ABCA4: variants seen among roughly 807,000 people sequenced by gnomAD.
The protein encoded by ABCA4 is ATP binding cassette subfamily A member 4, also known as retinal-specific phospholipid-transporting ATPase ABCA4.
ABCA4 carries 196 observed loss-of-function variants against 263.7 expected under a neutral mutation model. The ratio of observed to expected loss-of-function variants is 0.74; its 90% CI spans 0.66 to 0.84. The LOEUF (loss-of-function observed/expected upper bound fraction) is 0.84, where lower values mean the gene tolerates loss of function less well. Among genes scored for constraint, ABCA4 ranks in the 40% least tolerant of loss-of-function variants. The probability of loss-of-function intolerance (pLI) is 0.00; values close to 1 mark genes in which losing one functional copy is unlikely to be tolerated. For synonymous variants in ABCA4, 1,133 were observed against 1,094.2 expected (o/e 1.04, Z -0.70); for missense variants, 2,792 against 2,855.1 (o/e 0.98, Z 0.50).
At chr1:94,032,188 T>C (rs1660226566) in intron 26 of ABCA4, 145 bp from the exon 27 acceptor site, 2 of 980,382 alleles carry the variant, frequency 2.0e-6, no homozygotes, top group East Asian at 5.0e-5. Flanking sequence ...TAATCATCTT[T>C]ATAAAAATCT....
At chr1:94,013,589 C>T (rs533191289) in intron 38 of ABCA4, among the ~76,000 whole-genome samples, 287 of 152,294 alleles carry the variant, frequency 1.9e-3, no homozygotes, top group Middle Eastern at 6.8e-3. Context: ...TCAGACACAG[C>T]GGTGGGGACT....
chr1:94,113,995 T>C (rs1209982283), intron 1 of ABCA4, among the ~76,000 whole-genome samples: 1 of 152,128 alleles, frequency 6.6e-6, no homozygotes, highest in Admixed American at 6.5e-5. Flanking sequence ...GAGAGTAGAA[T>C]AGGTCTATGC....
At chr1:94,106,188 T>A (rs1262462320) in intron 4 of ABCA4, among the ~76,000 whole-genome samples, 1 of 152,268 alleles carries the variant, frequency 6.6e-6, no homozygotes, top group East Asian at 1.9e-4. Flanking sequence ...CCAGATTTGC[T>A]CTGTTAGGGA....
At chr1:94,051,400 C>T (rs1321210453) in intron 17 of ABCA4, among the ~76,000 whole-genome samples, 3 of 152,160 alleles carry the variant, frequency 2.0e-5, no homozygotes, top group Non-Finnish European at 4.4e-5. Flanking sequence ...GTGTACAGGA[C>T]CCAGGGCTTC....
intron 20 of ABCA4, among the ~76,000 whole-genome samples, chr1:94,044,072 TCTC>T (rs1660599750): frequency 2.4e-4 from 1 of 4,110 alleles, no homozygotes; most frequent in African/African-American, 3.2e-4. Flanking sequence ...CTCGCTTCCT[TCTC>T]CCCTCCCTCC....
chr1:94,051,734 G>A (rs1177784699), intron 16 of ABCA4, 36 bp from the exon 17 acceptor site: 5 of 1,522,370 alleles, frequency 3.3e-6, no homozygotes, highest in Non-Finnish European at 4.6e-6. Flanking sequence ...GAAAGTCGAA[G>A]GAGTCTCCCT....
At chr1:94,114,539 T>C (rs1257189964) in intron 1 of ABCA4, among the ~76,000 whole-genome samples, 2 of 151,866 alleles carry the variant, frequency 1.3e-5, no homozygotes, top group Non-Finnish European at 2.9e-5. Flanking sequence ...CAGGCTGGAG[T>C]GCAGTGGCAC....
rs751689141 is a variant in ABCA4, at chr1:94,031,842, A to G, written c.4064T>C (p.Val1355Ala). The G allele has an allele frequency of 3.1e-6, 5 of 1,614,152 alleles. No individual in the cohort carries two copies. In the South Asian group the frequency reaches 5.5e-5, roughly 18 times the overall value. The part of the protein sequence containing the change: ...NTGTQLVLQH[V>A]QALLVKRFQH... ...GAATCTCTTGACCAGCAGCGCCTGC[A>G]CATGCTGGAGGACCAGCTGTGTCCC... The change falls in exon 27 of 50, where the codon GTG becomes GCG. Residue 1355 changes from valine to alanine, a missense_variant. By Grantham distance (64) the Val-to-Ala change is moderately conservative. Coordinates refer to ENST00000370225, the MANE Select transcript of ABCA4 (RefSeq NM_000350.3).
At chr1:94,033,534 T>C (rs1344820548) in intron 26 of ABCA4, among the ~76,000 whole-genome samples, 1 of 152,150 alleles carries the variant, frequency 6.6e-6, no homozygotes, top group East Asian at 1.9e-4. Flanking sequence ...TTGTCGGTTA[T>C]GTTGAAGCTA....
Position 94,021,646 on chromosome 1 carries a change from G to C in ABCA4, c.4842C>G (p.Asn1614Lys), listed in dbSNP as rs1265079301. The stretch of plus-strand genomic sequence containing the variant: ...TTATACATAGGTCAAGTACCTTAAT[G>C]TTGTCTTCAGTTTCTAGATGTTTAA... ...DFLKHLETEDNIKVWFNNKGW... is the reference protein window; with the variant it reads ...DFLKHLETEDKIKVWFNNKGW... The change falls in exon 34 of 50, where the codon AAC (asparagine) becomes AAG (lysine). Residue 1614 changes from asparagine to lysine, a missense_variant. Transcript: ENST00000370225. 1 of 1,611,152 alleles carries C rather than the reference G, an allele frequency of 6.2e-7. No homozygotes were observed. Among genetic ancestry groups the C allele is most frequent in the Non-Finnish European group, 8.5e-7 (1 of 1,178,270 alleles).
chr1:94,009,311 T>A (rs923101050), intron 40 of ABCA4, among the ~76,000 whole-genome samples: 2 of 152,104 alleles, frequency 1.3e-5, no homozygotes, highest in Non-Finnish European at 2.9e-5. Context: ...GTTACTAACC[T>A]CCGAGCCTCC....
rs145065936 is a variant in ABCA4, at chr1:94,098,966, G to A, written c.596C>T (p.Ala199Val). 1.4e-4 allele frequency: 221 copies of A among 1,610,218 alleles called. 1 individual carries two copies. In the African/African-American group the frequency reaches 1.7e-3, roughly 12 times the overall value. The stretch of plus-strand genomic sequence containing the variant: ...CTCGCTGCAGGCGATGTCCTTCAGC[G>A]CCAGGTCCGGGACTCCATGAGCGAA... ...EQFAHGVPDL[A>V]LKDIACSEAL... Residue 199 changes from alanine (A) to valine (V), a missense_variant, in exon 6 of 50, where the codon GCG becomes GTG. Transcript: ENST00000370225.
intron 5 of ABCA4, among the ~76,000 whole-genome samples, chr1:94,102,521 C>T (rs1421297220): frequency 6.6e-6 from 1 of 151,914 alleles, no homozygotes; most frequent in Non-Finnish European, 1.5e-5. Flanking sequence ...CCTCTCTAAC[C>T]CTCGACTCTA....
intron 4 of ABCA4, among the ~76,000 whole-genome samples, chr1:94,105,785 C>T (rs1161330132): frequency 6.6e-6 from 1 of 152,140 alleles, no homozygotes; most frequent in African/African-American, 2.4e-5. Flanking sequence ...ACCATTAATC[C>T]TCCCTGCTGA....
At chr1:94,006,989 A>G (rs1202639891) in intron 43 of ABCA4, among the ~76,000 whole-genome samples, 1 of 152,200 alleles carries the variant, frequency 6.6e-6, no homozygotes, top group Non-Finnish European at 1.5e-5. Context: ...GTTTAAACAC[A>G]TTTTATTACA....
In ABCA4 at chr1:94,044,603, T is replaced by C; in HGVS notation, c.3050+10A>G. The C allele has an allele frequency of 6.2e-7, 1 of 1,614,182 alleles. No individual in the cohort carries two copies. The highest frequency in any genetic ancestry group is 1.1e-5 in the South Asian group (1 of 91,082). The stretch of plus-strand genomic sequence containing the variant: ...GGGGATGGGGCGGTCTCAGTTCCTG[T>C]GTCGCTTACTGGTGGAACAGGATGT... On this transcript the variant is annotated intron_variant, in intron 20 of 49. Transcript: ENST00000370225.
chr1:94,007,881 AC>A (rs1225514682), intron 42 of ABCA4, 141 bp from the exon 43 acceptor site: 6 of 765,398 alleles, frequency 7.8e-6, no homozygotes, highest in Non-Finnish European at 1.4e-5. Context: ...ATATGTGGCT[AC>A]TAAGCACTTG....
At position 94,031,048 on chromosome 1, in the gene ABCA4, G is replaced by T. The variant is rs1305455299; in HGVS notation, c.4201C>A (p.Pro1401Thr). The change falls in exon 28 of 50, where the codon CCC (proline) becomes ACC (threonine). Residue 1401 changes from proline to threonine, a missense_variant. Physicochemically the swap from Pro to Thr is conservative, Grantham distance 38. Transcript: ENST00000370225. ...SIVIPPFGEY[P>T]ALTLHPWIYG... ...ATCCAGGGGTGAAGGGTCAAAGCGG[G>T]GTATTCGCCAAAAGGAGGGATAACA... The T allele has an allele frequency of 6.2e-7, 1 of 1,613,944 alleles. No individual in the cohort carries two copies. Among genetic ancestry groups the T allele is most frequent in the Non-Finnish European group, 8.5e-7 (1 of 1,180,014 alleles).
intron 41 of ABCA4, 29 bp downstream of exon 41, chr1:94,008,722 C>T: frequency 6.2e-7 from 1 of 1,613,768 alleles, no homozygotes. Context: ...ATCTAACCAG[C>T]ACCTCCAAAC....
Sources: allele counts gnomAD v4.1 joint callset (sites outside exome capture counted in the v4.1 genomes callset), GRCh38; gene constraint gnomAD v4.1.1; transcripts MANE v1.5; gene names NCBI Gene and HGNC (gene_info 2026-07-23, HGNC 2026-07-21).